Variants in IQGAP2 observed in about 807,000 individuals in gnomAD.
IQGAP2 encodes the protein IQ motif containing GTPase activating protein 2.
In IQGAP2, 173 loss-of-function variants were observed where a neutral mutation model predicts 201.3. The ratio of observed to expected loss-of-function variants is 0.86; its 90% CI spans 0.76 to 0.98. IQGAP2 has a LOEUF of 0.98. IQGAP2 is among the 50% of genes least tolerant of loss of function. IQGAP2 has a pLI of 0.00. For synonymous variants in IQGAP2, 675 were observed against 673.9 expected (o/e 1.00, Z -0.03); for missense variants, 1,687 against 1,864.8 (o/e 0.90, Z 1.76).
At chr5:76,494,164 T>A (rs1348279141) in intron 2 of IQGAP2, among the ~76,000 whole-genome samples, 2 of 152,212 alleles carry the variant, frequency 1.3e-5, no homozygotes, top group Non-Finnish European at 2.9e-5. Context: ...AACCCACAGA[T>A]ACGAAGGGCC....
intron 2 of IQGAP2, among the ~76,000 whole-genome samples, chr5:76,495,618 A>G (rs1260544051): frequency 6.6e-6 from 1 of 152,206 alleles, no homozygotes; most frequent in Non-Finnish European, 1.5e-5. Context: ...ATGTATAAAG[A>G]AAAGAGGTCT....
chr5:76,514,187 C>G (rs544007443), intron 2 of IQGAP2, among the ~76,000 whole-genome samples: 5 of 151,994 alleles, frequency 3.3e-5, no homozygotes, highest in South Asian at 2.1e-4. Context: ...ACACAACCGG[C>G]TAATTTTTGT....
At chr5:76,412,769 G>C in intron 1 of IQGAP2, among the ~76,000 whole-genome samples, 1 of 152,104 alleles carries the variant, frequency 6.6e-6, no homozygotes, top group Non-Finnish European at 1.5e-5. Context: ...AGATCATCTT[G>C]GCAGCTTTCA....
Position 76,539,730 on chromosome 5 carries a change from T to C in IQGAP2, c.147-22666T>C, listed in dbSNP as rs145963894. 6.3e-3 allele frequency among the ~76,000 whole-genome samples: 962 copies of C among 152,254 alleles called. 10 individuals carry two copies. Among genetic ancestry groups the C allele is most frequent in the African/African-American group, 0.022 (914 of 41,536 alleles). ...GTCCTCTGACCTCCTGGGGAAGCCATAGGGGGCAGTGTCTGACCCTACTTG... is the reference window on the plus strand; with the variant it reads ...GTCCTCTGACCTCCTGGGGAAGCCACAGGGGGCAGTGTCTGACCCTACTTG... On this transcript the variant is annotated intron_variant, in intron 2 of 35. Coordinates refer to ENST00000274364, the MANE Select transcript of IQGAP2 (RefSeq NM_006633.5).
rs117289959 is a variant in IQGAP2, at chr5:76,603,315, C to T, written c.1232+2343C>T. Among the ~76,000 whole-genome samples, 15 of 152,312 alleles carry T rather than the reference C, an allele frequency of 9.8e-5. No homozygotes were observed. The East Asian group carries it at 2.9e-3, about 29-fold the overall frequency. ...TCCGTGCTTCTCCCCACCCTAGCAT[C>T]TGATGTTATCTCTCCTGGGAGGTAG... On this transcript the variant is annotated intron_variant, in intron 11 of 35. Coordinates refer to ENST00000274364, the MANE Select transcript of IQGAP2 (RefSeq NM_006633.5).
In IQGAP2 at chr5:76,546,650, AATC is replaced by A. The variant is rs552640671; in HGVS notation, c.147-15741_147-15739del. ...CCTGGCACAAGAGCAGCATTGGTTT[AATC>A]ATCAGCAGCCCTTCTGCTCTCTGTA... is the stretch of plus-strand genomic sequence containing the variant. On this transcript the variant is annotated intron_variant, in intron 2 of 35. Transcript: ENST00000274364. Among the ~76,000 whole-genome samples, 168 of 152,270 alleles carry A rather than the reference AATC, an allele frequency of 1.1e-3. 2 individuals carry two copies. Among genetic ancestry groups the A allele is most frequent in the African/African-American group, 3.9e-3 (161 of 41,542 alleles).
At chr5:76,589,311 CAAA>C (rs35291690) in intron 6 of IQGAP2, among the ~76,000 whole-genome samples, 37 of 106,794 alleles carry the variant, frequency 3.5e-4, no homozygotes, top group Admixed American at 4.9e-4. Flanking sequence ...GACTCTGCCT[CAAA>C]AAAAAAAAAA....
At chr5:76,435,305 T>G (rs1251887742) in intron 1 of IQGAP2, among the ~76,000 whole-genome samples, 1 of 152,168 alleles carries the variant, frequency 6.6e-6, no homozygotes, top group Non-Finnish European at 1.5e-5. Flanking sequence ...TTTCCTGGGT[T>G]TTCTCCTATA....
intron 33 of IQGAP2, chr5:76,699,641 C>G (rs1747108114): frequency 8.3e-6 from 1 of 119,920 alleles, no homozygotes; most frequent in African/African-American, 3.2e-5. Flanking sequence ...CTCTCTCTCT[C>G]TCTCTCTCTC....
chr5:76,663,193 G>A (rs888512083), intron 21 of IQGAP2, among the ~76,000 whole-genome samples: 23 of 152,216 alleles, frequency 1.5e-4, no homozygotes, highest in Non-Finnish European at 1.8e-4. Context: ...ATGACTAGGG[G>A]CCCCTGCTGA....
chr5:76,492,144 A>G (rs966574060), intron 2 of IQGAP2, among the ~76,000 whole-genome samples: 10 of 152,208 alleles, frequency 6.6e-5, no homozygotes, highest in Admixed American at 6.5e-4. Flanking sequence ...GATTCGGAGA[A>G]GTTTGAGATG....
rs192378793 is a variant in IQGAP2, at chr5:76,492,858, C to T, written c.146+31189C>T. On this transcript the variant is annotated intron_variant, in intron 2 of 35. Transcript: ENST00000274364. Reference sequence around the variant, plus strand: ...GTAGTGTCCCTTGAGGAGAAAGGGGCATGAAAACAAAATCACCTTAGTTGT... The same window carrying T: ...GTAGTGTCCCTTGAGGAGAAAGGGGTATGAAAACAAAATCACCTTAGTTGT... Among the ~76,000 whole-genome samples, 29 of 152,190 alleles carry T rather than the reference C, an allele frequency of 1.9e-4. 1 individual carries two copies. The highest frequency in any genetic ancestry group is 6.5e-4 in the African/African-American group (27 of 41,506).
chr5:76,671,726 CA>C, intron 23 of IQGAP2, 32 bp from the exon 24 acceptor site: 1 of 1,416,604 alleles, frequency 7.1e-7, no homozygotes, highest in Non-Finnish European at 9.8e-7. Context: ...TCCATGGAAG[CA>C]AACCATTTTG....
chr5:76,510,142 G>C (rs1010927179), intron 2 of IQGAP2, among the ~76,000 whole-genome samples: 1 of 152,038 alleles, frequency 6.6e-6, no homozygotes, highest in Non-Finnish European at 1.5e-5. Flanking sequence ...TGGGATTACA[G>C]GCACCCGCCA....
intron 1 of IQGAP2, among the ~76,000 whole-genome samples, chr5:76,460,565 G>T (rs1295982453): frequency 6.6e-6 from 1 of 152,130 alleles, no homozygotes; most frequent in Non-Finnish European, 1.5e-5. Flanking sequence ...TTTTATGGGA[G>T]AGACATTAAG....
At chr5:76,580,626 T>C (rs375500501) in intron 5 of IQGAP2, among the ~76,000 whole-genome samples, 3 of 152,260 alleles carry the variant, frequency 2.0e-5, no homozygotes, top group East Asian at 1.9e-4. Context: ...GTTTTGAACC[T>C]GTGGCCTTTC....
chr5:76,675,402 A>G (rs560416749), intron 27 of IQGAP2, among the ~76,000 whole-genome samples: 1 of 152,318 alleles, frequency 6.6e-6, no homozygotes, highest in South Asian at 2.1e-4. Context: ...AGGTTAGGAA[A>G]ACCCAGATTT....
intron 26 of IQGAP2, 89 bp from the exon 27 acceptor site, chr5:76,674,385 TAGG>T (rs1744621220): frequency 2.9e-6 from 2 of 698,534 alleles, no homozygotes; most frequent in Non-Finnish European, 4.8e-6. Context: ...TTGGGAAATG[TAGG>T]AGAATATATA....
chr5:76,498,061 C>A (rs1757084211), intron 2 of IQGAP2, among the ~76,000 whole-genome samples: 1 of 152,160 alleles, frequency 6.6e-6, no homozygotes, highest in Non-Finnish European at 1.5e-5. Flanking sequence ...CAGTTTGGAA[C>A]TCCCGGATAA....
Sources: gnomAD v4.1 joint callset for allele counts (sites outside exome capture counted in the v4.1 genomes callset) on GRCh38, gnomAD v4.1.1 for gene constraint, MANE v1.5 for transcripts, NCBI Gene and HGNC (gene_info 2026-07-23, HGNC 2026-07-21) for gene names.